The following SASH1 variants were observed in gnomAD, a reference collection of about 807,000 sequenced individuals.
The protein encoded by SASH1 is SAM and SH3 domain containing 1, also known as SAM and SH3 domain-containing protein 1.
SASH1 carries 44 observed loss-of-function variants against 125.2 expected under a neutral mutation model. The observed-to-expected ratio is 0.35, with a 90% confidence interval of 0.28 to 0.45. The LOEUF is 0.45. Ranked by LOEUF, SASH1 falls within the 20% of genes least tolerant of loss-of-function variation. The pLI is 1.00. For synonymous variants in SASH1, 639 were observed against 649.1 expected, an observed-to-expected ratio of 0.98 and a Z score of 0.24; for missense variants, 1,426 against 1,614.5, an observed-to-expected ratio of 0.88 and a Z score of 2.00.
intron 8 of SASH1, among the ~76,000 whole-genome samples, chr6:148,488,645 T>G (rs934991771): frequency 6.6e-6 from 1 of 152,256 alleles, no homozygotes; most frequent in East Asian, 1.9e-4. Flanking sequence ...AATTCTTGCC[T>G]TTCTCATCAA....
chr6:148,411,007 A>G (rs1784601844), intron 2 of SASH1, among the ~76,000 whole-genome samples: 1 of 151,904 alleles, frequency 6.6e-6, no homozygotes, highest in Non-Finnish European at 1.5e-5. Flanking sequence ...TAAAAATACA[A>G]AATTAGCTGG....
chr6:148,253,618 A>G, the SASH1 span, among the ~76,000 whole-genome samples: 1 of 152,308 alleles, frequency 6.6e-6, no homozygotes, highest in Middle Eastern at 3.4e-3. Flanking sequence ...GATGCCTGTA[A>G]TCCCAGCACT....
the SASH1 span, among the ~76,000 whole-genome samples, chr6:148,214,697 G>T: frequency 6.6e-6 from 1 of 152,138 alleles, no homozygotes; most frequent in Non-Finnish European, 1.5e-5. Context: ...TGTATATTTG[G>T]TATTTCTCTC....
chr6:148,327,770 G>A (rs574106123), intron 1 of SASH1, among the ~76,000 whole-genome samples: 19 of 149,942 alleles, frequency 1.3e-4, no homozygotes, highest in South Asian at 1.3e-3. Flanking sequence ...GCAAAACCCC[G>A]TCTCTACTAA....
intron 1 of SASH1, among the ~76,000 whole-genome samples, chr6:148,278,464 A>G (rs1779250052): frequency 6.6e-6 from 1 of 152,166 alleles, no homozygotes; most frequent in South Asian, 2.1e-4. Flanking sequence ...GAGCATTTTT[A>G]GGTCTTTTCA....
At chr6:148,522,216 T>C (rs78986659) in intron 10 of SASH1, among the ~76,000 whole-genome samples, 1,891 of 152,326 alleles carry the variant, frequency 0.012, 43 homozygotes, top group African/African-American at 0.041. Flanking sequence ...TGCAAAAATA[T>C]GTGTTCAGTA....
chr6:148,544,653 C>A lies in SASH1; in HGVS notation c.3183C>A (p.Leu1061=). The A allele has an allele frequency of 6.2e-7, 1 of 1,613,430 alleles. No individual in the cohort carries two copies. The highest frequency in any genetic ancestry group is 2.2e-5 in the East Asian group (1 of 44,838). Residue 1061 remains leucine, a synonymous_variant, in exon 18 of 20, where the codon CTC becomes CTA. Transcript: ENST00000367467. The surrounding 1 kb of genome is among the most constrained non-coding windows in gnomAD (Gnocchi z 6.4). Reference sequence around the variant, plus strand: ...CAAGCACAAGGCCGCCCCCCTGGCTCTCAGAGCTCCCCGAGAACACAAGCC... The same window carrying A: ...CAAGCACAAGGCCGCCCCCCTGGCTATCAGAGCTCCCCGAGAACACAAGCC... ...SPPSTRPPPW[L]SELPENTSLQ...
rs759709938 is a variant in SASH1 at position 148,544,396 on chromosome 6, A to AT, written c.2927dup (p.Met976IlefsTer23). The stretch of plus-strand genomic sequence containing the variant: ...AGAAGGGGTAGATGCTGAGCAGAGA[A>AT]TGCAGCCCAAAATTCCATCACAGCC... On this transcript the variant is annotated frameshift_variant, in exon 18 of 20. Coordinates refer to ENST00000367467, the MANE Select transcript of SASH1 (RefSeq NM_015278.5). LOFTEE classifies it high-confidence loss of function. This position sits in a 1 kb window ranked among gnomAD's most constrained non-coding sequence, Gnocchi z 6.4. The AT allele has an allele frequency of 6.2e-7, 1 of 1,614,194 alleles. No individual in the cohort carries two copies. The highest frequency in any genetic ancestry group is 8.5e-7 in the Non-Finnish European group (1 of 1,180,036).
the SASH1 span, among the ~76,000 whole-genome samples, chr6:148,227,295 T>G: frequency 6.6e-6 from 1 of 152,200 alleles, no homozygotes; most frequent in Non-Finnish European, 1.5e-5. Flanking sequence ...TGTCCATAGC[T>G]GCATCTCCAA....
intron 9 of SASH1, among the ~76,000 whole-genome samples, chr6:148,518,297 T>A (rs1780559870): frequency 1.3e-5 from 2 of 152,284 alleles, no homozygotes; most frequent in South Asian, 4.1e-4. Context: ...ACATCTTCTT[T>A]TCCACTTTCC....
chr6:148,400,591 A>G (rs1387467089), intron 2 of SASH1, among the ~76,000 whole-genome samples: 2 of 152,110 alleles, frequency 1.3e-5, no homozygotes, highest in Admixed American at 6.5e-5. Context: ...CTCTACAAAA[A>G]AATACAAAAA....
At chr6:148,277,128 GT>G (rs1779207956) in intron 1 of SASH1, among the ~76,000 whole-genome samples, 1 of 152,210 alleles carries the variant, frequency 6.6e-6, no homozygotes, top group South Asian at 2.1e-4. Context: ...ATGGGAGCCA[GT>G]ATTTGAACCC....
the SASH1 span, among the ~76,000 whole-genome samples, chr6:148,212,882 C>T: frequency 6.6e-6 from 1 of 152,276 alleles, no homozygotes; most frequent in African/African-American, 2.4e-5. Context: ...GAGGCTTGAA[C>T]CCAGTTTCTG....
rs59339599 is a variant in SASH1 at position 148,377,169 on chromosome 6, CAA to C, written c.157-12952_157-12951del. Among the ~76,000 whole-genome samples, 38 of 94,194 alleles carry C rather than the reference CAA, an allele frequency of 4.0e-4. 2 individuals are homozygous for C. The highest frequency in any genetic ancestry group is 1.0e-3 in the African/African-American group (24 of 23,486). The allele number at this position is 94,194 out of a possible 152,430, so 61.8% of individuals were successfully genotyped here. A position where few individuals can be genotyped will look rare whatever the true frequency, so the allele number is the denominator to read the frequency against. ...TGGGCGACAGAGCGAGACTCCGTCT[CAA>C]AAAAAAAAAAAACAAAAAAAAAACA... is the stretch of plus-strand genomic sequence containing the variant. On this transcript the variant is annotated intron_variant, in intron 1 of 19. Coordinates refer to ENST00000367467, the MANE Select transcript of SASH1 (RefSeq NM_015278.5).
At chr6:148,534,156 C>A (rs1781695403) in intron 15 of SASH1, among the ~76,000 whole-genome samples, 176 bp downstream of exon 15, 1 of 152,074 alleles carries the variant, frequency 6.6e-6, no homozygotes, top group African/African-American at 2.4e-5. Context: ...AGTTAGTTAC[C>A]AGTTTTCCAA....
chr6:148,431,013 G>A (rs1237987498), intron 2 of SASH1, among the ~76,000 whole-genome samples: 3 of 152,214 alleles, frequency 2.0e-5, no homozygotes, highest in Non-Finnish European at 2.9e-5. Flanking sequence ...GCAGGGAGCA[G>A]AACTGGACTC....
the SASH1 span, among the ~76,000 whole-genome samples, chr6:148,259,931 G>T: frequency 2.0e-5 from 3 of 152,000 alleles, no homozygotes; most frequent in African/African-American, 7.3e-5. Flanking sequence ...TGTCACTCAG[G>T]CTAGAGTGCA....
intron 1 of SASH1, among the ~76,000 whole-genome samples, chr6:148,310,335 CTT>C (rs1328072853): frequency 6.6e-6 from 1 of 151,076 alleles, no homozygotes; most frequent in African/African-American, 2.4e-5. Context: ...ACAAAACAAA[CTT>C]AGCCTCTAGA....
At chr6:148,487,047 TTA>T (rs1225543862) in intron 7 of SASH1, among the ~76,000 whole-genome samples, 18 of 134,198 alleles carry the variant, frequency 1.3e-4, no homozygotes, top group African/African-American at 4.8e-4. Context: ...TATATTTGTT[TTA>T]TATATATGTA....
Sources: allele counts gnomAD v4.1 joint callset (sites outside exome capture counted in the v4.1 genomes callset), GRCh38; gene constraint gnomAD v4.1.1; non-coding constraint Gnocchi (gnomAD v3.1); transcripts MANE v1.5; gene names NCBI Gene and HGNC (gene_info 2026-07-23, HGNC 2026-07-21).